Variants in RAP1GAP2 observed in about 807,000 individuals in gnomAD.
RAP1GAP2 encodes the protein rap1 GTPase-activating protein 2.
In RAP1GAP2, 27 loss-of-function variants were observed where a neutral mutation model predicts 95.0. The observed-to-expected ratio is 0.28, with a 90% confidence interval of 0.21 to 0.39. RAP1GAP2 has a LOEUF of 0.39. RAP1GAP2 is among the 10% of genes least tolerant of loss of function. The pLI is 1.00. For missense variants in RAP1GAP2, 771 were observed against 970.0 expected, an observed-to-expected ratio of 0.79 and a Z score of 2.72; for synonymous variants, 373 against 380.9, an observed-to-expected ratio of 0.98 and a Z score of 0.24.
In RAP1GAP2 at chr17:2,980,327, G is replaced by A; in HGVS notation, c.637G>A (p.Gly213Arg). 1 of 1,613,880 alleles carries A rather than the reference G, an allele frequency of 6.2e-7. No individual in the cohort carries two copies. The highest frequency in any genetic ancestry group is 1.1e-5 in the South Asian group (1 of 91,074). ...KTVHERIPLA[G>R]LSKLPSVPQI... ...GGTACATGAGCGGATCCCCTTGGCTGGACTGAGCAAGCTTCCCAGTGTCCC... is the reference window on the plus strand; with the variant it reads ...GGTACATGAGCGGATCCCCTTGGCTAGACTGAGCAAGCTTCCCAGTGTCCC... Residue 213 changes from glycine (G) to arginine (R), a missense_variant, in exon 9 of 25, where the codon GGA becomes AGA. Physicochemically the swap from Gly to Arg is moderately radical, Grantham distance 125 (BLOSUM62 -2). Coordinates refer to ENST00000254695, the MANE Select transcript of RAP1GAP2 (RefSeq NM_015085.5).
At chr17:2,851,381 TC>T (rs1321754504) in intron 2 of RAP1GAP2, among the ~76,000 whole-genome samples, 4 of 152,208 alleles carry the variant, frequency 2.6e-5, no homozygotes, top group Non-Finnish European at 4.4e-5. Context: ...TGATGGTTGT[TC>T]CAGTCTCTGC....
chr17:2,932,723 C>T (rs1231289752), intron 3 of RAP1GAP2, among the ~76,000 whole-genome samples: 3 of 145,716 alleles, frequency 2.1e-5, no homozygotes, highest in Non-Finnish European at 4.5e-5. Flanking sequence ...GGCTGAGGCA[C>T]GAGAATCACT....
intron 3 of RAP1GAP2, among the ~76,000 whole-genome samples, chr17:2,940,404 G>A (rs973409795): frequency 3.3e-5 from 5 of 152,258 alleles, no homozygotes; most frequent in African/African-American, 1.2e-4. Context: ...TCGGCTCCCT[G>A]CCGGGGCCCG....
At chr17:2,998,651 G>A (rs1185056232) in intron 14 of RAP1GAP2, among the ~76,000 whole-genome samples, 1 of 152,012 alleles carries the variant, frequency 6.6e-6, no homozygotes, top group Non-Finnish European at 1.5e-5. Flanking sequence ...CGCTGTGAGT[G>A]TAGTATTTGG....
Position 3,006,019 on chromosome 17 carries a change from C to T in RAP1GAP2, c.1337C>T (p.Ser446Leu), listed in dbSNP as rs778744234. Residue 446 changes from serine (S) to leucine (L), a missense_variant, in exon 16 of 25, where the codon TCG becomes TTG. By Grantham distance (145) the Ser-to-Leu change is moderately radical. Coordinates refer to ENST00000254695, the MANE Select transcript of RAP1GAP2 (RefSeq NM_015085.5). The stretch of plus-strand genomic sequence containing the variant: ...AATGCCGAGAACGCCTGCTGCAAGT[C>T]GGACAAGTTTGCAAAGCTGGAGGTG... ...LTNAENACCKSDKFAKLEDRT... is the reference protein window; with the variant it reads ...LTNAENACCKLDKFAKLEDRT... 4.3e-6 allele frequency: 7 copies of T among 1,611,290 alleles called. No homozygotes were observed. The highest frequency in any genetic ancestry group is 5.9e-6 in the Non-Finnish European group (7 of 1,178,382).
intron 1 of RAP1GAP2, among the ~76,000 whole-genome samples, chr17:2,791,252 C>G (rs759368648): frequency 6.6e-6 from 1 of 152,128 alleles, no homozygotes; most frequent in Middle Eastern, 3.2e-3. Context: ...TTCCCTGGAG[C>G]TCTGCCCTGG....
intron 2 of RAP1GAP2, among the ~76,000 whole-genome samples, chr17:2,808,356 G>C (rs1185227394): frequency 6.6e-6 from 1 of 152,154 alleles, no homozygotes; most frequent in Non-Finnish European, 1.5e-5. Context: ...CATTCATGGA[G>C]ACGGAGAACT....
At chr17:2,900,511 G>A (rs1332851433) in intron 2 of RAP1GAP2, among the ~76,000 whole-genome samples, 8 of 150,870 alleles carry the variant, frequency 5.3e-5, no homozygotes, top group East Asian at 1.9e-4. Context: ...GTGAGATCTC[G>A]GCTCACTGCA....
intron 19 of RAP1GAP2, among the ~76,000 whole-genome samples, chr17:3,021,828 C>T (rs2151648435): frequency 6.6e-6 from 1 of 152,326 alleles, no homozygotes; most frequent in Non-Finnish European, 1.5e-5. Context: ...CATTCTTTTC[C>T]ATGGGTGAAT....
intron 3 of RAP1GAP2, among the ~76,000 whole-genome samples, chr17:2,912,343 G>C (rs781547045): frequency 6.6e-6 from 1 of 152,120 alleles, no homozygotes; most frequent in Admixed American, 6.5e-5. Flanking sequence ...CACAGCCCCC[G>C]GCCTGATTTC....
intron 3 of RAP1GAP2, among the ~76,000 whole-genome samples, chr17:2,947,128 C>G (rs1817403045): frequency 6.6e-6 from 1 of 152,186 alleles, no homozygotes; most frequent in South Asian, 2.1e-4. Context: ...AGAGCCATTG[C>G]AGGCTCCTGG....
intron 8 of RAP1GAP2, among the ~76,000 whole-genome samples, chr17:2,967,769 T>G (rs1271808573): frequency 6.6e-6 from 1 of 152,208 alleles, no homozygotes; most frequent in Non-Finnish European, 1.5e-5. Flanking sequence ...TATCCAGAGA[T>G]GAAATTCCCC....
At chr17:3,020,890 C>G (rs955251774) in intron 19 of RAP1GAP2, among the ~76,000 whole-genome samples, 49 of 152,206 alleles carry the variant, frequency 3.2e-4, no homozygotes, top group Admixed American at 2.0e-4. Flanking sequence ...AACGCTCACT[C>G]AAATGGCCTG....
In RAP1GAP2 at chr17:3,004,248, A is replaced by G. The variant is rs1480240884; in HGVS notation, c.1201-1121A>G. Among the ~76,000 whole-genome samples the G allele has an allele frequency of 2.0e-5, 3 of 152,156 alleles. No individual in the cohort carries two copies. The highest frequency in any genetic ancestry group is 6.5e-5 in the Admixed American group (1 of 15,282). On this transcript the variant is annotated intron_variant, in intron 14 of 24. Transcript: ENST00000254695. The surrounding 1 kb of genome is among the most constrained non-coding windows in gnomAD (Gnocchi z 4.1). ...CGCGCACCATTTCCTGACTCGGGGCACTGCAGTTTGGGCTGGGCAGACAGC... is the reference window on the plus strand; with the variant it reads ...CGCGCACCATTTCCTGACTCGGGGCGCTGCAGTTTGGGCTGGGCAGACAGC...
chr17:2,767,114 AG>A (rs972967264), intron 1 of RAP1GAP2, among the ~76,000 whole-genome samples: 2 of 151,936 alleles, frequency 1.3e-5, no homozygotes, highest in Admixed American at 6.6e-5. Flanking sequence ...CTGTAATCCC[AG>A]CACTTTGGGA....
At chr17:2,814,639 G>T (rs188511769) in intron 2 of RAP1GAP2, among the ~76,000 whole-genome samples, 4 of 152,182 alleles carry the variant, frequency 2.6e-5, no homozygotes, top group Admixed American at 1.3e-4. Flanking sequence ...TGCCCAGCTC[G>T]GGCTGTCTCA....
intron 1 of RAP1GAP2, among the ~76,000 whole-genome samples, chr17:2,782,665 A>C (rs1372478515): frequency 6.6e-6 from 1 of 152,114 alleles, no homozygotes; most frequent in Non-Finnish European, 1.5e-5. Context: ...TAATCAGCTC[A>C]TTTACTCCTC....
rs929579848 is a variant in RAP1GAP2 at position 2,855,313 on chromosome 17, G to A, written c.81-49971G>A. 1.3e-5 allele frequency among the ~76,000 whole-genome samples: 2 copies of A among 152,178 alleles called. No homozygotes were observed. The highest frequency in any genetic ancestry group is 4.8e-5 in the African/African-American group (2 of 41,438). ...AGTTCTTCCCTTTTCAGTTCTCTGC[G>A]AATCCTTGTGATTTCTTTGAGGGGA... On this transcript the variant is annotated intron_variant, in intron 2 of 24. Transcript: ENST00000254695. This position sits in a 1 kb window ranked among gnomAD's most constrained non-coding sequence, Gnocchi z 4.3.
chr17:2,924,136 CAT>C (rs1189152727), intron 3 of RAP1GAP2, among the ~76,000 whole-genome samples: 5 of 152,150 alleles, frequency 3.3e-5, no homozygotes, highest in Non-Finnish European at 5.9e-5. Context: ...CAACTTTATA[CAT>C]AGAGTTTGGC....
Sources: gnomAD v4.1 joint callset for allele counts (sites outside exome capture counted in the v4.1 genomes callset) on GRCh38, gnomAD v4.1.1 for gene constraint, Gnocchi (gnomAD v3.1) non-coding constraint, MANE v1.5 for transcripts, NCBI Gene and HGNC (gene_info 2026-07-23, HGNC 2026-07-21) for gene names.